The following SNTG1 variants were observed in gnomAD, a reference collection of about 807,000 sequenced individuals.
The protein encoded by SNTG1 is syntrophin gamma 1.
In SNTG1, 39 loss-of-function variants were observed where a neutral mutation model predicts 74.7. The ratio of observed to expected loss-of-function variants is 0.52; its 90% CI spans 0.40 to 0.68. The LOEUF (loss-of-function observed/expected upper bound fraction) is 0.68, where lower values mean the gene tolerates loss of function less well. SNTG1 is among the 30% of genes least tolerant of loss of function. The pLI is 0.00. For synonymous variants in SNTG1, 254 were observed against 217.1 expected (o/e 1.17, Z -1.49); for missense variants, 685 against 609.5 (o/e 1.12, Z -1.30).
chr8:49,961,679 A>G (rs1436908164), intron 1 of SNTG1, among the ~76,000 whole-genome samples: 1 of 152,210 alleles, frequency 6.6e-6, no homozygotes, highest in Non-Finnish European at 1.5e-5. Context: ...GATATACTTA[A>G]AAGAGAACAA....
intron 9 of SNTG1, among the ~76,000 whole-genome samples, chr8:50,528,701 A>T (rs1043494182): frequency 1.3e-5 from 2 of 151,722 alleles, no homozygotes; most frequent in African/African-American, 4.8e-5. Context: ...GAAGTTATTT[A>T]TCATGACCGC....
chr8:49,910,673 C>G (rs534383186), upstream of SNTG1, among the ~76,000 whole-genome samples: 32 of 152,132 alleles, frequency 2.1e-4, no homozygotes, highest in Admixed American at 9.2e-4. Context: ...GAGTGAAGAG[C>G]CTGCAAGGCC....
At chr8:50,177,211 G>A (rs1268303951) in intron 2 of SNTG1, among the ~76,000 whole-genome samples, 2 of 152,182 alleles carry the variant, frequency 1.3e-5, no homozygotes, top group Non-Finnish European at 2.9e-5. Context: ...AGAAACTCTG[G>A]AGCATGGCAG....
intron 1 of SNTG1, among the ~76,000 whole-genome samples, chr8:49,930,974 A>G (rs1807531471): frequency 6.6e-6 from 1 of 152,218 alleles, no homozygotes; most frequent in African/African-American, 2.4e-5. Flanking sequence ...ATTAAGAATG[A>G]TCAAAAAGTA....
At chr8:49,939,821 C>T (rs1808518640) in intron 1 of SNTG1, among the ~76,000 whole-genome samples, 2 of 152,096 alleles carry the variant, frequency 1.3e-5, no homozygotes, top group African/African-American at 4.8e-5. Context: ...GAAGTTCTAA[C>T]CATGGGCTTC....
At chr8:50,092,377 G>A (rs1168825439) in intron 1 of SNTG1, among the ~76,000 whole-genome samples, 2 of 152,050 alleles carry the variant, frequency 1.3e-5, no homozygotes, top group East Asian at 3.9e-4. Flanking sequence ...CTTCCTTTAG[G>A]AAGGCCGTGT....
chr8:50,681,691 A>G (rs1470065235), intron 15 of SNTG1, among the ~76,000 whole-genome samples: 2 of 152,188 alleles, frequency 1.3e-5, no homozygotes, highest in Non-Finnish European at 2.9e-5. Context: ...AATGCTAAGA[A>G]TTCTTTGTCA....
intron 2 of SNTG1, among the ~76,000 whole-genome samples, chr8:50,319,756 T>C (rs1213498590): frequency 6.6e-6 from 1 of 152,216 alleles, no homozygotes; most frequent in African/African-American, 2.4e-5. Context: ...TTTTATCAAA[T>C]GCTTTTTCAC....
At chr8:50,477,213 A>C (rs1405347667) in intron 8 of SNTG1, among the ~76,000 whole-genome samples, 29 of 152,052 alleles carry the variant, frequency 1.9e-4, no homozygotes, top group Admixed American at 1.9e-3. Context: ...ATGAAGAATG[A>C]AGTATGAAAA....
chr8:50,011,625 TAA>T (rs34138423), intron 1 of SNTG1, among the ~76,000 whole-genome samples: 170 of 148,666 alleles, frequency 1.1e-3, no homozygotes, highest in Middle Eastern at 3.5e-3. Context: ...AAGGTGAAAT[TAA>T]AAAAAAAAAA....
At chr8:50,411,930 T>C (rs1587524710) in intron 4 of SNTG1, among the ~76,000 whole-genome samples, 1 of 152,078 alleles carries the variant, frequency 6.6e-6, no homozygotes, top group South Asian at 2.1e-4. Context: ...TGGGCAGCAG[T>C]CCCCAGGGAC....
intron 2 of SNTG1, among the ~76,000 whole-genome samples, chr8:50,330,677 TTTC>T (rs1180663403): frequency 1.3e-5 from 2 of 152,070 alleles, no homozygotes; most frequent in Admixed American, 1.3e-4. Context: ...AGGAAAGAGG[TTTC>T]ATTGACTCAC....
In SNTG1 at chr8:50,178,049, T is replaced by C. The variant is rs190763264; in HGVS notation, c.-28+5414T>C. 1.7e-3 allele frequency among the ~76,000 whole-genome samples: 264 copies of C among 152,340 alleles called. 2 individuals are homozygous for C. Among genetic ancestry groups the C allele is most frequent in the African/African-American group, 6.0e-3 (248 of 41,588 alleles). On this transcript the variant is annotated intron_variant, in intron 2 of 18. Coordinates refer to ENST00000642720, the MANE Select transcript of SNTG1 (RefSeq NM_018967.5). Reference sequence around the variant, plus strand: ...CTATGTCTCTTGGAGGTTTGATAGCTGATTTTTTTCCTAAAAATATGGCAT... The same window carrying C: ...CTATGTCTCTTGGAGGTTTGATAGCCGATTTTTTTCCTAAAAATATGGCAT...
chr8:50,215,824 A>C (rs1172847636), intron 2 of SNTG1, among the ~76,000 whole-genome samples: 1 of 152,150 alleles, frequency 6.6e-6, no homozygotes, highest in Non-Finnish European at 1.5e-5. Context: ...CTAACTCTTC[A>C]CATGGCATCT....
At chr8:50,034,074 A>G (rs1437662820) in intron 1 of SNTG1, among the ~76,000 whole-genome samples, 2 of 152,188 alleles carry the variant, frequency 1.3e-5, no homozygotes, top group Non-Finnish European at 2.9e-5. Flanking sequence ...GGTAGCAGAA[A>G]TGAAATATTT....
At chr8:50,704,570 C>A in intron 15 of SNTG1, 30 bp from the exon 16 acceptor site, 1 of 1,613,664 alleles carries the variant, frequency 6.2e-7, no homozygotes, top group Non-Finnish European at 8.5e-7. Context: ...GTGATGTGTG[C>A]CAGCCTGTGT....
chr8:50,310,648 A>G lies in SNTG1; in HGVS notation c.-27-83564A>G, dbSNP rs552815115. On this transcript the variant is annotated intron_variant, in intron 2 of 18. Transcript: ENST00000642720. ...GGTTGCAATGAGCCGAGACCATGCC[A>G]TTGCACTCCAACCTGGACAACAAGA... Among the ~76,000 whole-genome samples, 82 of 152,322 alleles carry G rather than the reference A, an allele frequency of 5.4e-4. No homozygotes were observed. The Middle Eastern group carries it at 0.014, about 25-fold the overall frequency.
chr8:50,053,063 A>G (rs560905236), intron 1 of SNTG1, among the ~76,000 whole-genome samples: 106 of 152,254 alleles, frequency 7.0e-4, no homozygotes, highest in African/African-American at 2.1e-3. Flanking sequence ...TGCCATGATA[A>G]ATGAAACCAC....
At chr8:50,291,003 A>G (rs544491817) in intron 2 of SNTG1, among the ~76,000 whole-genome samples, 17 of 152,234 alleles carry the variant, frequency 1.1e-4, no homozygotes, top group Admixed American at 3.9e-4. Context: ...AGCGATGCCT[A>G]TCTCGGCCTC....
Sources: gnomAD v4.1 joint callset for allele counts (sites outside exome capture counted in the v4.1 genomes callset) on GRCh38, gnomAD v4.1.1 for gene constraint, MANE v1.5 for transcripts, NCBI Gene and HGNC (gene_info 2026-07-23, HGNC 2026-07-21) for gene names.